ZHX2: variants seen among roughly 807,000 people sequenced by gnomAD.
ZHX2 encodes zinc fingers and homeoboxes 2.
ZHX2 carries 6 observed loss-of-function variants against 21.9 expected under a neutral mutation model. The observed-to-expected ratio is 0.27, with a 90% CI of 0.15 to 0.54. ZHX2 has a LOEUF of 0.54. Among genes scored for constraint, ZHX2 ranks in the 20% least tolerant of loss-of-function variants. ZHX2 has a pLI of 0.95. For missense variants in ZHX2, 908 were observed against 1,090.7 expected (o/e 0.83, Z 2.36); for synonymous variants, 434 against 437.1 (o/e 0.99, Z 0.09).
rs1333695383 is a variant in ZHX2, at chr8:122,924,995, C to T, written c.-219-26297C>T. 5.3e-5 allele frequency among the ~76,000 whole-genome samples: 8 copies of T among 152,198 alleles called. No individual in the cohort carries two copies. In the South Asian group the frequency reaches 8.3e-4, roughly 16 times the overall value. On this transcript the variant is annotated intron_variant, in intron 2 of 3. Transcript: ENST00000314393. ...CTTGCTATTAAGAAAAATACAGGAG[C>T]GACTACATACCTTACTCTGCTGTCA...
In ZHX2 at chr8:122,953,618, A is replaced by C; in HGVS notation, c.2108A>C (p.His703Pro). ...CAGCACCAGCCCATGGCAGATGATC[A>C]CGGCTACGATGCCGTAGCAAGGAAA... Reference protein sequence around the residue: ...QYQHQPMADDHGYDAVARKAT... With the variant: ...QYQHQPMADDPGYDAVARKAT... The change falls in exon 3 of 4, where the codon CAC becomes CCC. Residue 703 changes from histidine (H) to proline (P), a missense_variant. Coordinates refer to ENST00000314393, the MANE Select transcript of ZHX2 (RefSeq NM_014943.5). This position sits in a 1 kb window ranked among gnomAD's most constrained non-coding sequence, Gnocchi z 4.6. 6.2e-7 allele frequency: 1 copy of C among 1,614,228 alleles called. No homozygotes were observed. Among genetic ancestry groups the C allele is most frequent in the Non-Finnish European group, 8.5e-7 (1 of 1,180,054 alleles).
At chr8:122,954,917 T>C in intron 3 of ZHX2, among the ~76,000 whole-genome samples, 1 of 152,086 alleles carries the variant, frequency 6.6e-6, no homozygotes, top group East Asian at 1.9e-4. Flanking sequence ...ATCAAAGACC[T>C]GAGCTTATTT....
intron 2 of ZHX2, among the ~76,000 whole-genome samples, chr8:122,928,934 C>A (rs1448375980): frequency 6.6e-6 from 1 of 152,164 alleles, no homozygotes; most frequent in African/African-American, 2.4e-5. Flanking sequence ...ATTATTTTTA[C>A]TGTGGTTGTT....
At chr8:122,933,657 A>T (rs1039016613) in intron 2 of ZHX2, among the ~76,000 whole-genome samples, 7 of 151,604 alleles carry the variant, frequency 4.6e-5, no homozygotes, top group Non-Finnish European at 8.8e-5. Context: ...TTATTGCTTT[A>T]AAAAAAAATA....
chr8:122,955,833 G>T (rs943171997), intron 3 of ZHX2, among the ~76,000 whole-genome samples: 3 of 146,256 alleles, frequency 2.1e-5, no homozygotes, highest in Admixed American at 7.1e-5. Flanking sequence ...TTAAAATGAG[G>T]GAGTGATTTT....
chr8:122,931,901 G>T (rs540382759), intron 2 of ZHX2, among the ~76,000 whole-genome samples: 14 of 152,190 alleles, frequency 9.2e-5, no homozygotes, highest in Non-Finnish European at 1.8e-4. Flanking sequence ...GCCTTGGATC[G>T]GGGTGGTCAT....
intron 1 of ZHX2, among the ~76,000 whole-genome samples, chr8:122,859,052 C>G (rs940788573): frequency 1.3e-5 from 2 of 152,220 alleles, no homozygotes; most frequent in Non-Finnish European, 2.9e-5. Context: ...AAGGAGGCAG[C>G]TCTGGTTAGA....
At chr8:122,907,826 T>C (rs553194169) in intron 2 of ZHX2, among the ~76,000 whole-genome samples, 1 of 152,322 alleles carries the variant, frequency 6.6e-6, no homozygotes, top group Non-Finnish European at 1.5e-5. Context: ...GTGGTAGTGA[T>C]ATTAGTGTCT....
At chr8:122,938,292 C>T (rs1812757243) in intron 2 of ZHX2, among the ~76,000 whole-genome samples, 1 of 152,094 alleles carries the variant, frequency 6.6e-6, no homozygotes, top group African/African-American at 2.4e-5. Flanking sequence ...GGAGAGTGGC[C>T]ACTCCAGCCT....
intron 2 of ZHX2, among the ~76,000 whole-genome samples, chr8:122,942,683 C>T (rs988093018): frequency 6.6e-6 from 1 of 151,760 alleles, no homozygotes; most frequent in Non-Finnish European, 1.5e-5. Context: ...AGGTCAAGAG[C>T]GGAGCCATGT....
At chr8:122,967,350 G>A (rs993866558) in intron 3 of ZHX2, among the ~76,000 whole-genome samples, 1 of 152,228 alleles carries the variant, frequency 6.6e-6, no homozygotes, top group African/African-American at 2.4e-5. Context: ...ATCCCTTGAT[G>A]TGTTGCTCTC....
At chr8:122,840,173 A>C (rs180985749) in intron 1 of ZHX2, among the ~76,000 whole-genome samples, 1 of 152,286 alleles carries the variant, frequency 6.6e-6, no homozygotes, top group African/African-American at 2.4e-5. Context: ...GTAGATTTTG[A>C]ATTTGTGCAT....
chr8:122,797,739 C>A (rs1817639110), intron 1 of ZHX2, among the ~76,000 whole-genome samples: 1 of 152,124 alleles, frequency 6.6e-6, no homozygotes, highest in Non-Finnish European at 1.5e-5. Context: ...ATTTCTTTTG[C>A]AGCCTATTTG....
chr8:122,963,615 TG>T (rs1813511573), intron 3 of ZHX2, among the ~76,000 whole-genome samples: 1 of 152,196 alleles, frequency 6.6e-6, no homozygotes, highest in African/African-American at 2.4e-5. Context: ...GGCTCTTTTT[TG>T]GTTTCATATG....
intron 3 of ZHX2, among the ~76,000 whole-genome samples, chr8:122,971,626 A>AATAAAAAAT (rs1813727322): frequency 6.6e-6 from 1 of 151,194 alleles, no homozygotes. Context: ...AAAAAAAAAA[A>AATAAAAAAT]AAAAAATTCC....
intron 2 of ZHX2, among the ~76,000 whole-genome samples, chr8:122,916,882 C>T (rs1340751754): frequency 6.6e-6 from 1 of 152,076 alleles, no homozygotes; most frequent in Non-Finnish European, 1.5e-5. Context: ...CCATCCACCC[C>T]AAATCCACAC....
intron 1 of ZHX2, among the ~76,000 whole-genome samples, chr8:122,832,526 G>C (rs1471383179): frequency 6.6e-6 from 1 of 152,138 alleles, no homozygotes; most frequent in Non-Finnish European, 1.5e-5. Flanking sequence ...GTCTGAGAGA[G>C]TGAGCACGGG....
intron 2 of ZHX2, among the ~76,000 whole-genome samples, chr8:122,947,477 T>C (rs903644477): frequency 6.6e-6 from 1 of 152,240 alleles, no homozygotes; most frequent in Non-Finnish European, 1.5e-5. Context: ...AGGCCACATG[T>C]GGCCAGTGGC....
At chr8:122,933,108 G>T (rs1488645875) in intron 2 of ZHX2, among the ~76,000 whole-genome samples, 6 of 152,124 alleles carry the variant, frequency 3.9e-5, no homozygotes, top group Admixed American at 3.9e-4. Flanking sequence ...AATGGAGAAA[G>T]ATCTGACAGA....
Sources: gnomAD v4.1 joint callset for allele counts (sites outside exome capture counted in the v4.1 genomes callset) on GRCh38, gnomAD v4.1.1 for gene constraint, Gnocchi (gnomAD v3.1) non-coding constraint, MANE v1.5 for transcripts, NCBI Gene and HGNC (gene_info 2026-07-23, HGNC 2026-07-21) for gene names.